Variants in MCC observed in about 807,000 individuals in gnomAD.
The protein encoded by MCC is MCC regulator of Wnt signaling pathway, also known as colorectal mutant cancer protein.
Under a neutral mutation model 116.2 loss-of-function variants are expected in MCC, and 90 were observed. The ratio of observed to expected loss-of-function variants is 0.77; its 90% CI spans 0.65 to 0.92. The LOEUF is 0.92. Ranked by LOEUF, MCC falls within the 40% of genes least tolerant of loss-of-function variation. The probability of loss-of-function intolerance (pLI) is 0.00; values close to 1 mark genes in which losing one functional copy is unlikely to be tolerated. For synonymous variants in MCC, 578 were observed against 510.5 expected, an observed-to-expected ratio of 1.13 and a Z score of -1.78; for missense variants, 1,516 against 1,312.2, an observed-to-expected ratio of 1.16 and a Z score of -2.40.
At chr5:113,164,390 A>G (rs1042792111) in intron 3 of MCC, among the ~76,000 whole-genome samples, 1 of 152,172 alleles carries the variant, frequency 6.6e-6, no homozygotes, top group East Asian at 1.9e-4. Flanking sequence ...GCTCTCTTTT[A>G]TACTCCAAAC....
At chr5:113,347,371 G>A (rs10035647) in intron 2 of MCC, among the ~76,000 whole-genome samples, 4,970 of 151,184 alleles carry the variant, frequency 0.033, 122 homozygotes, top group African/African-American at 0.069. Context: ...ATTTTTATTA[G>A]TTTTCTTTTC....
chr5:113,198,253 G>T (rs1287827696), intron 3 of MCC, among the ~76,000 whole-genome samples: 1 of 152,142 alleles, frequency 6.6e-6, no homozygotes, highest in Non-Finnish European at 1.5e-5. Flanking sequence ...TTGATAGCAG[G>T]GGCTGTCATT....
At chr5:113,227,237 C>G (rs17376277) in intron 3 of MCC, among the ~76,000 whole-genome samples, 3,723 of 152,308 alleles carry the variant, frequency 0.024, 86 homozygotes, top group East Asian at 0.069. Flanking sequence ...TACCTATTAT[C>G]CTGTTTCTAG....
chr5:113,105,350 A>C (rs1475619295), intron 6 of MCC, among the ~76,000 whole-genome samples: 1 of 152,214 alleles, frequency 6.6e-6, no homozygotes, highest in Non-Finnish European at 1.5e-5. Flanking sequence ...TTACCTTTGG[A>C]AGACTTCAAG....
chr5:113,036,878 G>T (rs1279448497), intron 17 of MCC, among the ~76,000 whole-genome samples: 1 of 152,186 alleles, frequency 6.6e-6, no homozygotes, highest in Non-Finnish European at 1.5e-5. Flanking sequence ...TAGGCACTTG[G>T]CTCTGGGGCT....
intron 1 of MCC, 30 bp downstream of exon 1, chr5:113,488,215 C>T (rs1320809173): frequency 1.3e-6 from 2 of 1,580,872 alleles, no homozygotes; most frequent in Non-Finnish European, 1.7e-6. Context: ...GATCTCGCTC[C>T]TGTCGGTTTC....
intron 11 of MCC, among the ~76,000 whole-genome samples, chr5:113,078,563 G>A (rs1446572506): frequency 1.3e-5 from 2 of 152,144 alleles, no homozygotes; most frequent in African/African-American, 2.4e-5. Context: ...AAAACCACAC[G>A]ATTATCTCAA....
chr5:113,155,829 T>C lies in MCC; in HGVS notation c.628-4407A>G, dbSNP rs1333958036. Among the ~76,000 whole-genome samples, 5 of 152,332 alleles carry C rather than the reference T, an allele frequency of 3.3e-5. No individual in the cohort carries two copies. In the East Asian group the frequency reaches 9.6e-4, roughly 29 times the overall value. On this transcript the variant is annotated intron_variant, in intron 3 of 18. Transcript: ENST00000408903. The stretch of plus-strand genomic sequence containing the variant: ...TTCATACTCAGGAGTCAGATGCTGA[T>C]TTTTAGCTGGTCATATTTCTGCTCA...
intron 15 of MCC, among the ~76,000 whole-genome samples, chr5:113,053,150 A>G (rs1752594191): frequency 6.6e-6 from 1 of 152,124 alleles, no homozygotes; most frequent in Non-Finnish European, 1.5e-5. Flanking sequence ...CCTTCTGTAG[A>G]AATACCAGCA....
rs183671696 is a variant in MCC at position 113,073,624 on chromosome 5, G to A, written c.1785-2390C>T. 1.7e-3 allele frequency among the ~76,000 whole-genome samples: 256 copies of A among 151,052 alleles called. 1 individual carries two copies. Among genetic ancestry groups the A allele is most frequent in the African/African-American group, 6.1e-3 (249 of 41,110 alleles). On this transcript the variant is annotated intron_variant, in intron 11 of 18. Transcript: ENST00000408903. ...CTTTCAGGCCTCATGGTTGTTAAGTGGCCATAAGAATATCAGTTCGCCATA... is the reference window on the plus strand; with the variant it reads ...CTTTCAGGCCTCATGGTTGTTAAGTAGCCATAAGAATATCAGTTCGCCATA...
chr5:113,131,278 G>A (rs1448066543), intron 5 of MCC, among the ~76,000 whole-genome samples: 2 of 152,040 alleles, frequency 1.3e-5, no homozygotes, highest in Admixed American at 6.6e-5. Context: ...CATCCAGTGA[G>A]CTACTGATAT....
chr5:113,432,449 C>A (rs114850905), intron 1 of MCC: 2,063 of 152,158 alleles, frequency 0.014, 37 homozygotes, highest in Non-Finnish European at 0.021. Flanking sequence ...GACAAGTGAC[C>A]TAAACTGACT....
Position 113,283,741 on chromosome 5 carries a change from A to G in MCC, c.627+56778T>C, listed in dbSNP as rs114744121. 3.8e-3 allele frequency among the ~76,000 whole-genome samples: 585 copies of G among 152,306 alleles called. 5 individuals are homozygous for G. The highest frequency in any genetic ancestry group is 0.014 in the African/African-American group (570 of 41,564). ...AAAGCCTGTTGAGAGCAATTACAAC[A>G]CACCCTAAAACCACAGTTAAAGCTA... On this transcript the variant is annotated intron_variant, in intron 3 of 18. Coordinates refer to ENST00000408903, the MANE Select transcript of MCC (RefSeq NM_001085377.2).
chr5:113,177,052 G>A (rs930606825), intron 3 of MCC, among the ~76,000 whole-genome samples: 3 of 152,046 alleles, frequency 2.0e-5, no homozygotes, highest in Non-Finnish European at 4.4e-5. Context: ...GCTGCCCTTC[G>A]CCCTCAGGTA....
At chr5:113,107,976 C>T (rs1206259917) in intron 6 of MCC, among the ~76,000 whole-genome samples, 1 of 152,134 alleles carries the variant, frequency 6.6e-6, no homozygotes, top group Non-Finnish European at 1.5e-5. Context: ...AAGAGACTGA[C>T]CTTAACTGTG....
intron 16 of MCC, among the ~76,000 whole-genome samples, chr5:113,044,868 C>A (rs1455459421): frequency 6.6e-6 from 1 of 152,224 alleles, no homozygotes; most frequent in Non-Finnish European, 1.5e-5. Flanking sequence ...GCCACCGCAC[C>A]TGGCCATAAA....
intron 3 of MCC, among the ~76,000 whole-genome samples, chr5:113,252,269 C>T (rs985553235): frequency 2.6e-5 from 4 of 152,152 alleles, no homozygotes; most frequent in Non-Finnish European, 4.4e-5. Context: ...GGTACGAGGC[C>T]GCAAAGCAGG....
chr5:113,273,319 G>C (rs1386907840), intron 3 of MCC, among the ~76,000 whole-genome samples: 1 of 152,180 alleles, frequency 6.6e-6, no homozygotes, highest in Non-Finnish European at 1.5e-5. Context: ...CACTTGCTCA[G>C]GGTTTTCTAA....
chr5:113,099,660 T>G (rs191769512), intron 8 of MCC, among the ~76,000 whole-genome samples: 13 of 152,366 alleles, frequency 8.5e-5, no homozygotes, highest in Middle Eastern at 3.4e-3. Context: ...GGTCAGGCTG[T>G]GCATGACCCA....
Sources: allele counts gnomAD v4.1 joint callset (sites outside exome capture counted in the v4.1 genomes callset), GRCh38; gene constraint gnomAD v4.1.1; transcripts MANE v1.5; gene names NCBI Gene and HGNC (gene_info 2026-07-23, HGNC 2026-07-21).